Variants in CPEB4 observed in about 807,000 individuals in gnomAD.
CPEB4 encodes the protein cytoplasmic polyadenylation element-binding protein 4.
A neutral mutation model predicts 72.5 loss-of-function variants in CPEB4; 12 were observed. That is an observed-to-expected ratio of 0.17 (90% CI 0.11 to 0.27). CPEB4 has a LOEUF of 0.27. Among genes scored for constraint, CPEB4 ranks in the 10% least tolerant of loss-of-function variants. The probability of loss-of-function intolerance (pLI) is 1.00; values close to 1 mark genes in which losing one functional copy is unlikely to be tolerated. For missense variants in CPEB4, 614 were observed against 908.5 expected (o/e 0.68, Z 4.17); for synonymous variants, 302 against 326.3 (o/e 0.93, Z 0.80).
At position 173,957,483 on chromosome 5, in the gene CPEB4, C is replaced by T. The variant is rs545447514; in HGVS notation, c.*1346C>T. The T allele has an allele frequency of 6.5e-6, 1 of 152,860 alleles. No homozygotes were observed. The highest frequency in any genetic ancestry group is 1.9e-4 in the East Asian group (1 of 5,326). The allele number at this position is 152,860 out of a possible 1,614,324, so 9.5% of individuals were successfully genotyped here. ...ACATAGTCAGTGTTTGAAGTGCCAA[C>T]TTCATCAAGTAATGCATGCTTTATT... On this transcript the variant is annotated 3_prime_UTR_variant, in exon 10 of 10. Transcript: ENST00000265085.
At chr5:173,901,564 A>C (rs902221294) in intron 1 of CPEB4, among the ~76,000 whole-genome samples, 2 of 152,238 alleles carry the variant, frequency 1.3e-5, no homozygotes, top group Non-Finnish European at 2.9e-5. Flanking sequence ...ATAATAGAGC[A>C]AAAATTCTAG....
At chr5:173,952,455 T>A (rs1380578093) in intron 8 of CPEB4, among the ~76,000 whole-genome samples, 3 of 152,230 alleles carry the variant, frequency 2.0e-5, no homozygotes, top group Admixed American at 1.3e-4. Context: ...CAGAACAAAT[T>A]AAATTCCTAA....
At chr5:173,940,214 G>A (rs1757787486) in intron 3 of CPEB4, among the ~76,000 whole-genome samples, 1 of 152,222 alleles carries the variant, frequency 6.6e-6, no homozygotes, top group Non-Finnish European at 1.5e-5. Flanking sequence ...AGTGGCAAGA[G>A]CATGCATCTA....
intron 2 of CPEB4, among the ~76,000 whole-genome samples, chr5:173,931,449 A>G (rs1757443994): frequency 6.6e-6 from 1 of 152,178 alleles, no homozygotes; most frequent in African/African-American, 2.4e-5. Context: ...CTAAATCCTG[A>G]TTTATAGAAG....
chr5:173,916,091 C>G (rs1488433355), intron 2 of CPEB4, among the ~76,000 whole-genome samples: 1 of 152,160 alleles, frequency 6.6e-6, no homozygotes, highest in Non-Finnish European at 1.5e-5. Context: ...TGCTTCATTT[C>G]ACTAGAAAGC....
intron 1 of CPEB4, 130 bp downstream of exon 1, chr5:173,890,988 CAG>C (rs1301374981): frequency 3.4e-6 from 3 of 889,698 alleles, no homozygotes; most frequent in Non-Finnish European, 3.3e-6. Context: ...AATCAATAAC[CAG>C]ACTTTATTTT....
At chr5:173,899,542 A>T (rs926193349) in intron 1 of CPEB4, among the ~76,000 whole-genome samples, 5 of 152,224 alleles carry the variant, frequency 3.3e-5, no homozygotes, top group Non-Finnish European at 4.4e-5. Flanking sequence ...AAAATAAGAG[A>T]TCCAGTTAAA....
At chr5:173,891,947 G>C (rs1359769760) in intron 1 of CPEB4, among the ~76,000 whole-genome samples, 1 of 151,850 alleles carries the variant, frequency 6.6e-6, no homozygotes, top group Non-Finnish European at 1.5e-5. Context: ...AGGGTACACA[G>C]CTGGTCAGAG....
chr5:173,902,045 C>T (rs575828454), intron 1 of CPEB4, among the ~76,000 whole-genome samples: 4 of 152,218 alleles, frequency 2.6e-5, no homozygotes, highest in Admixed American at 2.6e-4. Context: ...GGATAGTCCA[C>T]TCTTGATGAT....
intron 2 of CPEB4, among the ~76,000 whole-genome samples, chr5:173,924,266 G>A (rs1757167615): frequency 6.6e-6 from 1 of 152,104 alleles, no homozygotes; most frequent in African/African-American, 2.4e-5. Flanking sequence ...AAAAATTTTA[G>A]GTTGAATTTT....
chr5:173,936,509 G>A (rs1402222927), intron 3 of CPEB4, among the ~76,000 whole-genome samples: 1 of 152,176 alleles, frequency 6.6e-6, no homozygotes, highest in Admixed American at 6.5e-5. Context: ...GGAGGGTGGG[G>A]GTAGGGGGTG....
At chr5:173,938,445 C>T (rs56196025) in intron 3 of CPEB4, among the ~76,000 whole-genome samples, 33,764 of 152,048 alleles carry the variant, frequency 0.22, 4,959 homozygotes, top group Non-Finnish European at 0.31. Flanking sequence ...AGGCTGGTCT[C>T]GAACTCCTGA....
chr5:173,938,678 C>T (rs1757717847), intron 3 of CPEB4, among the ~76,000 whole-genome samples: 2 of 152,074 alleles, frequency 1.3e-5, no homozygotes, highest in African/African-American at 4.8e-5. Flanking sequence ...GAATAGGATC[C>T]GTTTTTTCAT....
chr5:173,945,506 C>A (rs1240683909), intron 5 of CPEB4, among the ~76,000 whole-genome samples: 2 of 152,146 alleles, frequency 1.3e-5, no homozygotes, highest in East Asian at 1.9e-4. Flanking sequence ...TTTATGAGTG[C>A]TCCACAAATG....
At chr5:173,903,729 C>T (rs775441247) in intron 1 of CPEB4, among the ~76,000 whole-genome samples, 10 of 152,204 alleles carry the variant, frequency 6.6e-5, no homozygotes, top group Non-Finnish European at 1.3e-4. Flanking sequence ...CCAGCAGGTT[C>T]ACGTGCTGCT....
In CPEB4 at chr5:173,961,465, A is replaced by G. The variant is rs1041447369; in HGVS notation, c.*5328A>G. On this transcript the variant is annotated 3_prime_UTR_variant, in exon 10 of 10. Transcript: ENST00000265085. ...AGGTGCATTGCTTTGGGTGTTTTAA[A>G]TCACAGAATGGTGTGTCTGGAAAGG... The G allele has an allele frequency of 6.6e-6, 1 of 152,240 alleles. No homozygotes were observed. Among genetic ancestry groups the G allele is most frequent in the African/African-American group, 2.4e-5 (1 of 41,460 alleles). The allele number at this position is 152,240 out of a possible 1,614,324, so 9.4% of individuals were successfully genotyped here.
intron 2 of CPEB4, among the ~76,000 whole-genome samples, chr5:173,916,424 C>T (rs1486873912): frequency 6.6e-6 from 1 of 152,112 alleles, no homozygotes; most frequent in African/African-American, 2.4e-5. Context: ...CCATGGTGCC[C>T]AGGAAACCTA....
intron 1 of CPEB4, among the ~76,000 whole-genome samples, chr5:173,907,767 T>G (rs1257573699): frequency 6.6e-6 from 1 of 152,202 alleles, no homozygotes; most frequent in African/African-American, 2.4e-5. Flanking sequence ...ATGACACACA[T>G]AGAAAATGAT....
At chr5:173,923,431 C>T (rs1463466590) in intron 2 of CPEB4, among the ~76,000 whole-genome samples, 1 of 152,094 alleles carries the variant, frequency 6.6e-6, no homozygotes, top group Non-Finnish European at 1.5e-5. Flanking sequence ...CTTGTGGTCC[C>T]TAGAGATTTC....
Sources: gnomAD v4.1 joint callset for allele counts (sites outside exome capture counted in the v4.1 genomes callset) on GRCh38, gnomAD v4.1.1 for gene constraint, MANE v1.5 for transcripts, NCBI Gene and HGNC (gene_info 2026-07-23, HGNC 2026-07-21) for gene names.